MTMR8: variants seen among roughly 807,000 people sequenced by gnomAD.
The protein encoded by MTMR8 is phosphatidylinositol-3,5-bisphosphate 3-phosphatase MTMR8.
Under a neutral mutation model 39.3 loss-of-function variants are expected in MTMR8, and 65 were observed. The observed-to-expected ratio is 1.65, with a 90% confidence interval of 1.35 to 2.03. MTMR8 has a LOEUF of 2.03. MTMR8 is among the 30% of genes most tolerant of loss of function. The pLI is 0.00. For missense variants in MTMR8, 777 were observed against 538.9 expected (o/e 1.44, Z -4.37); for synonymous variants, 245 against 185.2 (o/e 1.32, Z -2.62).
At chrX:64,305,552 C>A in intron 12 of MTMR8, 1 of 422,973 alleles carries the variant, frequency 2.4e-6, no homozygotes, top group Non-Finnish European at 4.4e-6. Flanking sequence ...CTTCTGTTTG[C>A]TCTTCAATTC....
chrX:64,311,417 G>T (rs905513081), intron 12 of MTMR8, among the ~76,000 whole-genome samples: 24 of 111,062 alleles, frequency 2.2e-4, no homozygotes, highest in African/African-American at 7.9e-4. Flanking sequence ...TGGGTAGATT[G>T]CAAAAATTTT....
At chrX:64,342,959 C>A (rs1241852527) in intron 8 of MTMR8, among the ~76,000 whole-genome samples, 1 of 111,051 alleles carries the variant, frequency 9.0e-6, no homozygotes, top group Non-Finnish European at 1.9e-5. Context: ...GAAAACAAAC[C>A]ACTTAACAAA....
At position 64,281,005 on chromosome X, in the gene MTMR8, C is replaced by T. The variant is rs191799578; in HGVS notation, c.1482-9932G>A. On this transcript the variant is annotated intron_variant, in intron 12 of 13. Transcript: ENST00000374852. ...ACAGCTAACAAGGGATGTGAAGGAC[C>T]TCTTCAAGGAGAACTATAAACCACT... is the stretch of plus-strand genomic sequence containing the variant. Among the ~76,000 whole-genome samples the T allele has an allele frequency of 1.7e-3, 189 of 110,751 alleles. 1 individual carries two copies. Among genetic ancestry groups the T allele is most frequent in the African/African-American group, 5.8e-3 (178 of 30,488 alleles).
chrX:64,268,995 G>T lies in MTMR8; in HGVS notation c.1657C>A (p.Gln553Lys), dbSNP rs1427688324. Residue 553 changes from glutamine to lysine, a missense_variant, in exon 14 of 14, where the codon CAA (glutamine) becomes AAA (lysine). Physicochemically the swap from Gln to Lys is moderately conservative, Grantham distance 53. Coordinates refer to ENST00000374852, the MANE Select transcript of MTMR8 (RefSeq NM_017677.4). Reference protein sequence around the residue: ...EPPEEICTCSQLGNILSQHLG... With the variant: ...EPPEEICTCSKLGNILSQHLG... Reference sequence around the variant, plus strand: ...TGCTGGGATAATATGTTTCCTAATTGAGAGCAGGTACAGATCTCTTCTGGT... The same window carrying T: ...TGCTGGGATAATATGTTTCCTAATTTAGAGCAGGTACAGATCTCTTCTGGT... 8.3e-7 allele frequency: 1 copy of T among 1,209,953 alleles called. No homozygotes were observed. Among genetic ancestry groups the T allele is most frequent in the Non-Finnish European group, 1.1e-6 (1 of 895,116 alleles).
chrX:64,321,222 A>T (rs1190143371), intron 12 of MTMR8, among the ~76,000 whole-genome samples: 1 of 111,872 alleles, frequency 8.9e-6, no homozygotes, highest in East Asian at 2.8e-4. Context: ...ATTAATAGAA[A>T]CTGTTTATGA....
intron 1 of MTMR8, among the ~76,000 whole-genome samples, chrX:64,364,431 G>A (rs1418491740): frequency 2.7e-5 from 3 of 111,954 alleles, no homozygotes; most frequent in Non-Finnish European, 5.6e-5. Context: ...TGCAATATTT[G>A]CTGTTCTGCA....
intron 1 of MTMR8, among the ~76,000 whole-genome samples, chrX:64,365,557 T>G (rs961471041): frequency 9.0e-6 from 1 of 111,542 alleles, no homozygotes; most frequent in African/African-American, 3.3e-5. Context: ...GACAAGCAAA[T>G]GTTGAGAGAT....
intron 12 of MTMR8, among the ~76,000 whole-genome samples, chrX:64,300,324 C>G (rs1276698064): frequency 2.7e-5 from 3 of 111,743 alleles, no homozygotes; most frequent in Non-Finnish European, 5.6e-5. Context: ...GATCCCTTTA[C>G]CATTATGTAA....
At chrX:64,390,152 T>G (rs1357638321) in intron 1 of MTMR8, among the ~76,000 whole-genome samples, 1 of 112,132 alleles carries the variant, frequency 8.9e-6, no homozygotes, top group East Asian at 2.8e-4. Context: ...ACCAAAGCCA[T>G]GAAGACTGGG....
intron 1 of MTMR8, among the ~76,000 whole-genome samples, chrX:64,373,987 A>G (rs1924194889): frequency 1.8e-5 from 2 of 112,238 alleles, no homozygotes; most frequent in African/African-American, 3.2e-5. Flanking sequence ...AGAGCCAGAC[A>G]ACAGCAAAAA....
chrX:64,284,045 G>A (rs747950360), intron 12 of MTMR8, among the ~76,000 whole-genome samples: 7 of 111,908 alleles, frequency 6.3e-5, no homozygotes, highest in African/African-American at 2.3e-4. Context: ...GAGGAAGTTC[G>A]AACCCATGGC....
intron 12 of MTMR8, among the ~76,000 whole-genome samples, chrX:64,285,920 A>T (rs1921154150): frequency 8.9e-6 from 1 of 111,879 alleles, no homozygotes; most frequent in African/African-American, 3.3e-5. Context: ...AAAGAACTAG[A>T]GAAACAAGAA....
At chrX:64,300,818 T>C (rs1338435356) in intron 12 of MTMR8, among the ~76,000 whole-genome samples, 1 of 107,357 alleles carries the variant, frequency 9.3e-6, no homozygotes, top group African/African-American at 3.4e-5. Context: ...AAGTATTTTA[T>C]TTCTCCTTCA....
intron 12 of MTMR8, among the ~76,000 whole-genome samples, chrX:64,279,348 C>T (rs762321520): frequency 1.8e-5 from 2 of 111,903 alleles, no homozygotes; most frequent in South Asian, 3.8e-4. Context: ...ACATCATACT[C>T]AATGTTGAAA....
At chrX:64,332,357 C>A (rs756537442) in intron 10 of MTMR8, among the ~76,000 whole-genome samples, 1 of 111,481 alleles carries the variant, frequency 9.0e-6, no homozygotes, top group Non-Finnish European at 1.9e-5. Flanking sequence ...GAAATGAACA[C>A]GGCACTCTCA....
chrX:64,313,216 T>C (rs887019378), intron 12 of MTMR8, among the ~76,000 whole-genome samples: 9 of 112,534 alleles, frequency 8.0e-5, no homozygotes, highest in Non-Finnish European at 1.7e-4. Flanking sequence ...AAATCTGTCC[T>C]TCAGTGTGGC....
chrX:64,378,496 C>A (rs763660809), intron 1 of MTMR8, among the ~76,000 whole-genome samples: 9 of 112,380 alleles, frequency 8.0e-5, no homozygotes, highest in Non-Finnish European at 1.7e-4. Flanking sequence ...GCTAGGGTCT[C>A]AGGCATGAGC....
At chrX:64,306,278 A>G (rs1314905689) in intron 12 of MTMR8, 3 of 327,597 alleles carry the variant, frequency 9.2e-6, no homozygotes, top group Non-Finnish European at 1.8e-5. Context: ...GTGGCACAGC[A>G]TTGGACTGAA....
intron 8 of MTMR8, among the ~76,000 whole-genome samples, chrX:64,339,192 CAAAAG>C (rs1478841633): frequency 9.1e-6 from 1 of 110,477 alleles, no homozygotes; most frequent in East Asian, 2.8e-4. Flanking sequence ...CCAAATGTGA[CAAAAG>C]AAAAGACCTT....
Sources: allele counts gnomAD v4.1 joint callset (sites outside exome capture counted in the v4.1 genomes callset), GRCh38; gene constraint gnomAD v4.1.1; transcripts MANE v1.5; gene names NCBI Gene and HGNC (gene_info 2026-07-23, HGNC 2026-07-21).